The following KCNH1 variants were observed in gnomAD, a reference collection of about 807,000 sequenced individuals.
KCNH1 encodes potassium voltage-gated channel subfamily H member 1.
Under a neutral mutation model 69.2 loss-of-function variants are expected in KCNH1, and 27 were observed. That is an observed-to-expected ratio of 0.39 (90% confidence interval 0.29 to 0.54). KCNH1 has a LOEUF of 0.54. Ranked by LOEUF, KCNH1 falls within the 20% of genes least tolerant of loss-of-function variation. KCNH1 has a pLI of 0.68. For synonymous variants in KCNH1, 456 were observed against 487.7 expected (o/e 0.93, Z 0.86); for missense variants, 798 against 1,261.6 (o/e 0.63, Z 5.57).
intron 10 of KCNH1, among the ~76,000 whole-genome samples, chr1:210,741,943 C>T (rs748575386): frequency 6.6e-6 from 1 of 152,134 alleles, no homozygotes; most frequent in Non-Finnish European, 1.5e-5. Flanking sequence ...GGATTCCTGG[C>T]AGGCAAAATC....
At chr1:210,772,331 A>T (rs529620739) in intron 10 of KCNH1, among the ~76,000 whole-genome samples, 4 of 152,268 alleles carry the variant, frequency 2.6e-5, no homozygotes, top group African/African-American at 9.6e-5. Flanking sequence ...TAAAACACTT[A>T]ATTTTGCCAA....
intron 7 of KCNH1, among the ~76,000 whole-genome samples, chr1:210,807,782 A>G (rs570066766): frequency 7.4e-4 from 112 of 152,264 alleles, no homozygotes; most frequent in African/African-American, 2.6e-3. Context: ...ATCCCATTGT[A>G]TGGATGTACC....
intron 10 of KCNH1, among the ~76,000 whole-genome samples, chr1:210,729,736 T>C (rs1361374499): frequency 6.6e-6 from 1 of 152,230 alleles, no homozygotes; most frequent in African/African-American, 2.4e-5. Flanking sequence ...AGAAAAATCC[T>C]AGGAAACTGA....
intron 6 of KCNH1, among the ~76,000 whole-genome samples, chr1:210,954,588 A>T (rs1049637626): frequency 2.0e-5 from 3 of 152,118 alleles, no homozygotes; most frequent in Non-Finnish European, 4.4e-5. Flanking sequence ...CTTTTTAATG[A>T]TCGCCATTCT....
At chr1:210,726,111 A>G (rs759867641) in intron 10 of KCNH1, among the ~76,000 whole-genome samples, 42 of 152,160 alleles carry the variant, frequency 2.8e-4, no homozygotes, top group Non-Finnish European at 5.3e-4. Flanking sequence ...TCAAAAATTT[A>G]TAAGAACATT....
chr1:210,758,427 T>G (rs1890839), intron 10 of KCNH1, among the ~76,000 whole-genome samples: 125,995 of 152,138 alleles, frequency 0.83, 52,214 homozygotes, highest in East Asian at 0.88. Context: ...AGACAGCTTT[T>G]TGACCTGGAA....
intron 6 of KCNH1, among the ~76,000 whole-genome samples, chr1:211,003,076 G>A (rs995716156): frequency 6.6e-6 from 1 of 151,640 alleles, no homozygotes. Context: ...CATCATTAAA[G>A]GGTCATGAAA....
chr1:210,876,534 C>A (rs574402816), intron 7 of KCNH1, among the ~76,000 whole-genome samples: 23 of 152,238 alleles, frequency 1.5e-4, no homozygotes, highest in Admixed American at 1.2e-3. Context: ...TATACTAGAG[C>A]CAGGGCTAAC....
At chr1:210,720,345 G>A (rs555277179) in intron 10 of KCNH1, among the ~76,000 whole-genome samples, 20 of 152,246 alleles carry the variant, frequency 1.3e-4, no homozygotes, top group African/African-American at 4.6e-4. Context: ...GAGGTATAAC[G>A]CAAATAGAAT....
At chr1:210,722,326 G>T (rs1228490128) in intron 10 of KCNH1, among the ~76,000 whole-genome samples, 1 of 152,056 alleles carries the variant, frequency 6.6e-6, no homozygotes, top group African/African-American at 2.4e-5. Context: ...CTTATATAGT[G>T]CTTATATTTT....
intron 7 of KCNH1, among the ~76,000 whole-genome samples, chr1:210,887,781 T>G (rs1041498621): frequency 2.7e-4 from 38 of 141,890 alleles, no homozygotes; most frequent in African/African-American, 9.9e-4. Context: ...TAAAACACAC[T>G]TTAAACCAAC....
chr1:211,040,531 G>A (rs533975665), intron 5 of KCNH1, among the ~76,000 whole-genome samples: 1 of 152,206 alleles, frequency 6.6e-6, no homozygotes, highest in Non-Finnish European at 1.5e-5. Context: ...CCATGATTCT[G>A]AGGCCTCCCT....
intron 5 of KCNH1, among the ~76,000 whole-genome samples, chr1:211,029,136 C>T (rs1316854706): frequency 1.4e-5 from 2 of 144,632 alleles, no homozygotes; most frequent in African/African-American, 5.2e-5. Flanking sequence ...TCAAGACCAG[C>T]CATGGCAACA....
intron 5 of KCNH1, among the ~76,000 whole-genome samples, chr1:211,051,187 G>A (rs1419033433): frequency 6.6e-6 from 1 of 151,994 alleles, no homozygotes; most frequent in Non-Finnish European, 1.5e-5. Context: ...TAGTAGCGAT[G>A]GGATTTCACC....
At chr1:211,014,770 A>G (rs1422338518) in intron 6 of KCNH1, among the ~76,000 whole-genome samples, 1 of 152,190 alleles carries the variant, frequency 6.6e-6, no homozygotes, top group Non-Finnish European at 1.5e-5. Flanking sequence ...GTATTTTTTT[A>G]TGAGAAATGA....
chr1:211,078,754 G>GAAATAACTAAGATCAT (rs1380855561), intron 5 of KCNH1, among the ~76,000 whole-genome samples: 1 of 151,792 alleles, frequency 6.6e-6, no homozygotes, highest in Non-Finnish European at 1.5e-5. Flanking sequence ...CAGAAGGCAA[G>GAAATAACTAAGATCAT]AAATAACTAA....
intron 6 of KCNH1, among the ~76,000 whole-genome samples, chr1:210,946,603 A>C (rs758068807): frequency 4.6e-5 from 7 of 152,112 alleles, no homozygotes; most frequent in Non-Finnish European, 7.4e-5. Flanking sequence ...AGGGAAAAAC[A>C]TGGCCCAAAT....
rs560903100 is a variant in KCNH1 at position 210,846,801 on chromosome 1, G to A, written c.1463-42635C>T. ...CATCAGAGTGAACAGGCAACCTACA[G>A]AATGGAAGAAAATTTTTGCAACCTA... is the stretch of plus-strand genomic sequence containing the variant. On this transcript the variant is annotated intron_variant, in intron 7 of 10. Coordinates refer to ENST00000271751, the MANE Select transcript of KCNH1 (RefSeq NM_172362.3). Among the ~76,000 whole-genome samples the A allele has an allele frequency of 4.6e-5, 7 of 151,970 alleles. No homozygotes were observed. In the East Asian group the frequency reaches 9.7e-4, roughly 21 times the overall value.
chr1:210,781,823 A>T (rs1465820619), intron 9 of KCNH1, among the ~76,000 whole-genome samples: 2 of 152,216 alleles, frequency 1.3e-5, no homozygotes, highest in Non-Finnish European at 1.5e-5. Flanking sequence ...TTCTTTCAGT[A>T]TGAGTTTCGG....
Sources: allele counts gnomAD v4.1 joint callset (sites outside exome capture counted in the v4.1 genomes callset), GRCh38; gene constraint gnomAD v4.1.1; transcripts MANE v1.5; gene names NCBI Gene and HGNC (gene_info 2026-07-23, HGNC 2026-07-21).